GRM8: variants seen among roughly 807,000 people sequenced by gnomAD.
GRM8 encodes the protein metabotropic glutamate receptor 8.
Under a neutral mutation model 87.2 loss-of-function variants are expected in GRM8, and 47 were observed. The observed-to-expected ratio is 0.54, with a 90% CI of 0.43 to 0.69. The LOEUF (loss-of-function observed/expected upper bound fraction) is 0.69, where lower values mean the gene tolerates loss of function less well. Among genes scored for constraint, GRM8 ranks in the 30% least tolerant of loss-of-function variants. The pLI is 0.00. For synonymous variants in GRM8, 396 were observed against 404.5 expected, an observed-to-expected ratio of 0.98 and a Z score of 0.25; for missense variants, 1,019 against 1,139.2, an observed-to-expected ratio of 0.89 and a Z score of 1.52.
intron 3 of GRM8, among the ~76,000 whole-genome samples, chr7:126,968,935 C>A (rs1427187023): frequency 6.6e-6 from 1 of 152,098 alleles, no homozygotes; most frequent in Non-Finnish European, 1.5e-5. Flanking sequence ...CTATTTCAGA[C>A]CACTGCAATT....
chr7:126,566,594 G>C (rs1174856431), intron 8 of GRM8, among the ~76,000 whole-genome samples: 1 of 152,142 alleles, frequency 6.6e-6, no homozygotes, highest in Admixed American at 6.6e-5. Context: ...ATGAGGAATG[G>C]TGTAGTCGCT....
At chr7:127,164,393 T>C (rs1793307803) in intron 2 of GRM8, among the ~76,000 whole-genome samples, 1 of 152,154 alleles carries the variant, frequency 6.6e-6, no homozygotes, top group Admixed American at 6.6e-5. Context: ...TAATTTTGCC[T>C]GGAGTTAGCC....
intron 7 of GRM8, among the ~76,000 whole-genome samples, chr7:126,764,111 C>T (rs962558194): frequency 2.2e-4 from 33 of 151,892 alleles, no homozygotes; most frequent in Non-Finnish European, 7.4e-5. Context: ...TTGTCGAGAT[C>T]AAATAATTTG....
At chr7:127,067,574 T>C (rs1821255064) in intron 3 of GRM8, among the ~76,000 whole-genome samples, 1 of 152,226 alleles carries the variant, frequency 6.6e-6, no homozygotes, top group South Asian at 2.1e-4. Context: ...TTTCTCTCTC[T>C]GAGACTGCCT....
chr7:126,962,624 C>A (rs1809437262), intron 3 of GRM8, among the ~76,000 whole-genome samples: 1 of 152,136 alleles, frequency 6.6e-6, no homozygotes, highest in African/African-American at 2.4e-5. Flanking sequence ...GATACTGTGC[C>A]TTTTAATAGC....
chr7:127,172,523 G>T (rs1481658920), intron 2 of GRM8, among the ~76,000 whole-genome samples: 1 of 151,934 alleles, frequency 6.6e-6, no homozygotes, highest in African/African-American at 2.4e-5. Flanking sequence ...TGACCAACAT[G>T]ATGAAACCCC....
intron 1 of GRM8, among the ~76,000 whole-genome samples, chr7:127,247,693 C>A (rs1798649370): frequency 6.6e-6 from 1 of 152,052 alleles, no homozygotes; most frequent in Non-Finnish European, 1.5e-5. Flanking sequence ...GAACATGTCC[C>A]CTCACCCCTA....
intron 3 of GRM8, chr7:127,080,633 A>C (rs1822756095): frequency 7.0e-6 from 1 of 142,750 alleles, no homozygotes; most frequent in African/African-American, 2.8e-5. Context: ...AAGTCTCTGG[A>C]GGCTTTTTGG....
intron 3 of GRM8, among the ~76,000 whole-genome samples, chr7:127,017,020 C>T (rs1240778380): frequency 6.6e-6 from 1 of 152,034 alleles, no homozygotes; most frequent in African/African-American, 2.4e-5. Context: ...ATTGTGCTAA[C>T]TTTCCTAAGT....
intron 8 of GRM8, among the ~76,000 whole-genome samples, chr7:126,568,948 A>G (rs989772538): frequency 4.6e-5 from 7 of 152,172 alleles, no homozygotes; most frequent in Admixed American, 6.6e-5. Context: ...AGGAAAATCA[A>G]AAAGAAAAAA....
chr7:126,691,023 C>T (rs778611652), intron 7 of GRM8, among the ~76,000 whole-genome samples: 11 of 152,184 alleles, frequency 7.2e-5, no homozygotes, highest in Non-Finnish European at 1.0e-4. Context: ...GGCCTGAAGG[C>T]GGGGTTTCAC....
intron 6 of GRM8, among the ~76,000 whole-genome samples, chr7:126,839,896 C>A (rs955285193): frequency 6.6e-6 from 1 of 152,118 alleles, no homozygotes; most frequent in African/African-American, 2.4e-5. Flanking sequence ...TCCAGACATC[C>A]CTTTGCTGAA....
At chr7:126,556,223 T>C (rs1413998486) in intron 8 of GRM8, among the ~76,000 whole-genome samples, 1 of 151,870 alleles carries the variant, frequency 6.6e-6, no homozygotes, top group Non-Finnish European at 1.5e-5. Flanking sequence ...GTCAAGCCTT[T>C]AAAACTAGTT....
intron 6 of GRM8, among the ~76,000 whole-genome samples, chr7:126,861,206 T>TAA (rs534487186): frequency 1.3e-5 from 2 of 152,166 alleles, no homozygotes. Context: ...TGTATCTATT[T>TAA]ATAAAGAGTG....
intron 8 of GRM8, among the ~76,000 whole-genome samples, chr7:126,540,380 C>T (rs1816394377): frequency 6.6e-6 from 1 of 152,108 alleles, no homozygotes; most frequent in South Asian, 2.1e-4. Context: ...GAAAATTTGA[C>T]AATTCCTTAG....
At chr7:127,077,889 A>G (rs1359511380) in intron 3 of GRM8, among the ~76,000 whole-genome samples, 1 of 152,202 alleles carries the variant, frequency 6.6e-6, no homozygotes, top group African/African-American at 2.4e-5. Context: ...GGGAACATTT[A>G]ACAATATCTC....
At chr7:127,032,771 A>G (rs919843648) in intron 3 of GRM8, among the ~76,000 whole-genome samples, 4 of 152,136 alleles carry the variant, frequency 2.6e-5, no homozygotes, top group Admixed American at 6.5e-5. Context: ...TGGGTACAAG[A>G]GGGGATGACT....
rs141412640 is a variant in GRM8 at position 127,090,461 on chromosome 7, A to G, written c.727+16035T>C. ...TGGAACATTCCAAACCAATTGAAAG[A>G]GGAATAATATATTCATCAGATTTAT... On this transcript the variant is annotated intron_variant, in intron 3 of 10. Coordinates refer to ENST00000339582, the MANE Select transcript of GRM8 (RefSeq NM_000845.3). Among the ~76,000 whole-genome samples, 373 of 152,362 alleles carry G rather than the reference A, an allele frequency of 2.4e-3. 2 individuals are homozygous for G. Among genetic ancestry groups the G allele is most frequent in the African/African-American group, 8.6e-3 (359 of 41,586 alleles).
At chr7:126,503,637 A>G (rs1809973813) in intron 9 of GRM8, among the ~76,000 whole-genome samples, 1 of 152,102 alleles carries the variant, frequency 6.6e-6, no homozygotes, top group Admixed American at 6.6e-5. Flanking sequence ...AGAAATATGC[A>G]TTATATAGTA....
Sources: gnomAD v4.1 joint callset for allele counts (sites outside exome capture counted in the v4.1 genomes callset) on GRCh38, gnomAD v4.1.1 for gene constraint, MANE v1.5 for transcripts, NCBI Gene and HGNC (gene_info 2026-07-23, HGNC 2026-07-21) for gene names.